The following MYO7B variants were observed in gnomAD, a reference collection of about 807,000 sequenced individuals.
The protein encoded by MYO7B is unconventional myosin-VIIb.
MYO7B carries 212 observed loss-of-function variants against 259.7 expected under a neutral mutation model. That is an observed-to-expected ratio of 0.82 (90% CI 0.73 to 0.91). The LOEUF (loss-of-function observed/expected upper bound fraction) is 0.91, where lower values mean the gene tolerates loss of function less well. Among genes scored for constraint, MYO7B ranks in the 40% least tolerant of loss-of-function variants. MYO7B has a pLI of 0.00. For synonymous variants in MYO7B, 1,197 were observed against 1,166.4 expected (o/e 1.03, Z -0.54); for missense variants, 2,732 against 2,813.5 (o/e 0.97, Z 0.66).
At chr2:127,618,362 C>A (rs1680671542) in intron 26 of MYO7B, among the ~76,000 whole-genome samples, 1 of 152,158 alleles carries the variant, frequency 6.6e-6, no homozygotes, top group South Asian at 2.1e-4. Flanking sequence ...AGACAGCCCC[C>A]ACCCCAAGCT....
rs766299965 is a variant in MYO7B at position 127,628,476 on chromosome 2, T to C, written c.4565T>C (p.Leu1522Pro). ...ATCGCTGAGCTGGTGGCCCTGTTCC[T>C]GGAGGGCCTGAAGGAGAGGTCCATT... ...VAIAELVALF[L>P]EGLKERSIFA... Residue 1522 changes from leucine to proline, a missense_variant, in exon 34 of 48, where the codon CTG (leucine) becomes CCG (proline). Coordinates refer to ENST00000409816, the MANE Select transcript of MYO7B (RefSeq NM_001393586.1). This position sits in a 1 kb window ranked among gnomAD's most constrained non-coding sequence, Gnocchi z 4.8. 1.9e-6 allele frequency: 3 copies of C among 1,554,852 alleles called. No homozygotes were observed. The highest frequency in any genetic ancestry group is 3.9e-5 in the Admixed American group (2 of 51,592).
In MYO7B at chr2:127,559,953, T is replaced by C. The variant is rs1391919799; in HGVS notation, c.18+213T>C. Among the ~76,000 whole-genome samples the C allele has an allele frequency of 6.6e-6, 1 of 152,162 alleles. No homozygotes were observed. The highest frequency in any genetic ancestry group is 1.5e-5 in the Non-Finnish European group (1 of 68,028). ...GCAATACATGTATAGTTATGTATAG[T>C]TATCCCTCACTTTCATGTAGGGCTT... On this transcript the variant is annotated intron_variant, in intron 2 of 47. Coordinates refer to ENST00000409816, the MANE Select transcript of MYO7B (RefSeq NM_001393586.1). This position sits in a 1 kb window ranked among gnomAD's most constrained non-coding sequence, Gnocchi z 4.1.
rs1201773881 is a variant in MYO7B, at chr2:127,596,474, A to G, written c.2257A>G (p.Thr753Ala). Residue 753 changes from threonine (T) to alanine (A), a missense_variant, in exon 19 of 48, where the codon ACT (threonine) becomes GCT (alanine). Physicochemically the swap from Thr to Ala is moderately conservative, Grantham distance 58. Transcript: ENST00000409816. ...TKIFLRDHQD[T>A]LLEVQRSQVL... ...TCTCCTGTTCCAGGATCATCAGGAC[A>G]CTCTGCTGGAGGTACAGAGAAGCCA... is the stretch of plus-strand genomic sequence containing the variant. 1.2e-6 allele frequency: 2 copies of G among 1,613,236 alleles called. No individual in the cohort carries two copies. The highest frequency in any genetic ancestry group is 1.7e-5 in the Admixed American group (1 of 59,946).
intron 1 of MYO7B, among the ~76,000 whole-genome samples, chr2:127,542,816 G>A (rs1293337500): frequency 6.6e-6 from 1 of 152,136 alleles, no homozygotes; most frequent in African/African-American, 2.4e-5. Context: ...GGGTAATAAT[G>A]GGGAGAAGGT....
At position 127,597,148 on chromosome 2, in the gene MYO7B, C is replaced by T. The variant is rs184924569; in HGVS notation, c.2339+592C>T. Among the ~76,000 whole-genome samples the T allele has an allele frequency of 6.0e-4, 91 of 152,368 alleles. 1 individual carries two copies. The highest frequency in any genetic ancestry group is 2.2e-3 in the African/African-American group (90 of 41,592). ...GCCCACAGCTAGAGAGGCAGCTGTG[C>T]TGCTGGGAAGCCGGAGGCCATCTCA... On this transcript the variant is annotated intron_variant, in intron 19 of 47. Transcript: ENST00000409816. The surrounding 1 kb of genome is among the most constrained non-coding windows in gnomAD (Gnocchi z 4.8).
In MYO7B at chr2:127,636,934, C is replaced by T. The variant is rs1573735585; in HGVS notation, c.6327+21C>T. The T allele has an allele frequency of 6.2e-7, 1 of 1,608,592 alleles. No homozygotes were observed. ...CCCTGGTGAGCTCAGGTTCTTTCTC[C>T]CATCCAAGATGCATAGGACAGAGCT... On this transcript the variant is annotated intron_variant, in intron 47 of 47. Transcript: ENST00000409816. The surrounding 1 kb of genome is among the most constrained non-coding windows in gnomAD (Gnocchi z 4.5).
rs1558842273 is a variant in MYO7B, at chr2:127,622,001, G to A, written c.3545G>A (p.Gly1182Asp). The A allele has an allele frequency of 8.4e-6, 13 of 1,551,640 alleles. No homozygotes were observed. In the South Asian group the frequency reaches 1.3e-4, roughly 16 times the overall value. ...CACCAGTATCTACTGAACTTCATCG[G>A]CCAAGGGCCGGCGACCTACGGCCCC... The part of the protein sequence containing the change: ...RFMKYLLNFI[G>D]QGPATYGPFC... The change falls in exon 28 of 48, where the codon GGC becomes GAC. Residue 1182 changes from glycine (G) to aspartate (D), a missense_variant. Gly to Asp is a moderately conservative substitution (Grantham distance 94). Transcript: ENST00000409816.
Position 127,546,986 on chromosome 2 carries a change from A to G in MYO7B, c.-24+11155A>G, listed in dbSNP as rs1225579337. On this transcript the variant is annotated intron_variant, in intron 1 of 47. Transcript: ENST00000409816. The surrounding 1 kb of genome is among the most constrained non-coding windows in gnomAD (Gnocchi z 4.2). ...CATCCACCAATCTATCCATCCATCA[A>G]CCCATCAGTGGATCCATCCATCCAC... 6.6e-6 allele frequency among the ~76,000 whole-genome samples: 1 copy of G among 151,676 alleles called. No individual in the cohort carries two copies. The highest frequency in any genetic ancestry group is 1.5e-5 in the Non-Finnish European group (1 of 67,924).
chr2:127,582,750 A>G (rs1679155686), intron 12 of MYO7B, among the ~76,000 whole-genome samples: 1 of 152,254 alleles, frequency 6.6e-6, no homozygotes, highest in Non-Finnish European at 1.5e-5. Context: ...ACAGAAATCA[A>G]TAACATGGAT....
chr2:127,631,769 G>T lies in MYO7B; in HGVS notation c.5249+16G>T. ...ACTCCAACAGGTCTGCTGGGGCGGC[G>T]GCCAGCCCACGCGGGCACCCTCAGT... is the stretch of plus-strand genomic sequence containing the variant. On this transcript the variant is annotated intron_variant, in intron 38 of 47. Coordinates refer to ENST00000409816, the MANE Select transcript of MYO7B (RefSeq NM_001393586.1). 1 of 1,609,742 alleles carries T rather than the reference G, an allele frequency of 6.2e-7. No individual in the cohort carries two copies.
At position 127,628,156 on chromosome 2, in the gene MYO7B, G is replaced by T; in HGVS notation, c.4461-216G>T. 1.4e-6 allele frequency: 1 copy of T among 690,704 alleles called. No homozygotes were observed. Among genetic ancestry groups the T allele is most frequent in the Non-Finnish European group, 2.6e-6 (1 of 381,076 alleles). 42.8% of individuals were successfully genotyped at this position (690,704 alleles called of 1,614,324 possible). A position where few individuals can be genotyped will look rare whatever the true frequency, so the allele number is the denominator to read the frequency against. ...CTGCCCACAGCCAACCCCACACATG[G>T]GCTGCACCACTCTCAGCCTCCGAGA... On this transcript the variant is annotated intron_variant, in intron 33 of 47. Coordinates refer to ENST00000409816, the MANE Select transcript of MYO7B (RefSeq NM_001393586.1). This position sits in a 1 kb window ranked among gnomAD's most constrained non-coding sequence, Gnocchi z 4.8.
rs1677981763 is a variant in MYO7B at position 127,559,566 on chromosome 2, C to T, written c.-23-134C>T. The T allele has an allele frequency of 4.0e-6, 3 of 758,746 alleles. No individual in the cohort carries two copies. Among genetic ancestry groups the T allele is most frequent in the East Asian group, 5.0e-5 (2 of 39,704 alleles). 47.0% of individuals were successfully genotyped at this position (758,746 alleles called of 1,614,324 possible). ...ACTGTGACTCATTCATCCATTTATT[C>T]AGCATTGTTTTTGAGCCAGGTCCCA... On this transcript the variant is annotated intron_variant, in intron 1 of 47. Transcript: ENST00000409816. This position sits in a 1 kb window ranked among gnomAD's most constrained non-coding sequence, Gnocchi z 4.1.
At position 127,612,590 on chromosome 2, in the gene MYO7B, C is replaced by T. The variant is rs61742351; in HGVS notation, c.3385C>T (p.Arg1129Trp). ...CTTCATCGTGGGCTACGCCATCCTGCGGCCCAGCCTCAGGTCAGTTCCCAC... is the reference window on the plus strand; with the variant it reads ...CTTCATCGTGGGCTACGCCATCCTGTGGCCCAGCCTCAGGTCAGTTCCCAC... The part of the protein sequence containing the change: ...VHFIVGYAIL[R>W]PSLRDEIYCQ... The change falls in exon 26 of 48, where the codon CGG (arginine) becomes TGG (tryptophan). Residue 1129 changes from arginine (R) to tryptophan (W), a missense_variant. By Grantham distance (101) the Arg-to-Trp change is moderately radical. Transcript: ENST00000409816. 4.1e-4 allele frequency: 661 copies of T among 1,609,700 alleles called. 3 individuals carry two copies. The African/African-American group carries it at 6.6e-3, about 16-fold the overall frequency.
In MYO7B at chr2:127,637,582, G is replaced by A. The variant is rs1038033748; in HGVS notation, c.*165G>A. ...GCAGGCGGCCCCCTCTGTCCTGGGC[G>A]CTGCCCAGGGAGGCCAAAAGACGGG... is the stretch of plus-strand genomic sequence containing the variant. On this transcript the variant is annotated 3_prime_UTR_variant, in exon 48 of 48. Coordinates refer to ENST00000409816, the MANE Select transcript of MYO7B (RefSeq NM_001393586.1). The A allele has an allele frequency of 2.3e-5, 12 of 527,254 alleles. No individual in the cohort carries two copies. The highest frequency in any genetic ancestry group is 1.1e-4 in the African/African-American group (6 of 52,398). The allele number at this position is 527,254 out of a possible 1,614,324, so 32.7% of individuals were successfully genotyped here.
intron 18 of MYO7B, among the ~76,000 whole-genome samples, chr2:127,593,890 G>C (rs561689808): frequency 6.6e-6 from 1 of 152,358 alleles, no homozygotes; most frequent in African/African-American, 2.4e-5. Flanking sequence ...AGGCTTCTCA[G>C]AGGGGTACCT....
intron 14 of MYO7B, among the ~76,000 whole-genome samples, chr2:127,587,553 C>CTTCT (rs1183563526): frequency 2.0e-5 from 3 of 149,290 alleles, no homozygotes; most frequent in East Asian, 2.0e-4. Context: ...CTCATCTCCC[C>CTTCT]TTCTTTCTTT....
chr2:127,600,271 T>G (rs965640839), intron 19 of MYO7B, among the ~76,000 whole-genome samples: 1 of 152,268 alleles, frequency 6.6e-6, no homozygotes, highest in African/African-American at 2.4e-5. Context: ...TTGTCAAATG[T>G]ATGCATGTCA....
chr2:127,543,703 A>G (rs1693097798), intron 1 of MYO7B, among the ~76,000 whole-genome samples: 1 of 151,616 alleles, frequency 6.6e-6, no homozygotes, highest in South Asian at 2.1e-4. Flanking sequence ...CTATATATGT[A>G]TATATATATC....
At chr2:127,629,599 C>A in intron 34 of MYO7B, 46 bp from the exon 35 acceptor site, 1 of 1,569,650 alleles carries the variant, frequency 6.4e-7, no homozygotes, top group Non-Finnish European at 8.6e-7. Flanking sequence ...AGCACAGCCT[C>A]TGGCCCCTGC....
Sources: allele counts gnomAD v4.1 joint callset (sites outside exome capture counted in the v4.1 genomes callset), GRCh38; gene constraint gnomAD v4.1.1; non-coding constraint Gnocchi (gnomAD v3.1); transcripts MANE v1.5; gene names NCBI Gene and HGNC (gene_info 2026-07-23, HGNC 2026-07-21).